Variants in RC3H1 observed in about 807,000 individuals in gnomAD.
RC3H1 encodes roquin-1.
In RC3H1, 50 loss-of-function variants were observed where a neutral mutation model predicts 138.2. The ratio of observed to expected loss-of-function variants is 0.36; its 90% CI spans 0.29 to 0.46. The LOEUF (loss-of-function observed/expected upper bound fraction) is 0.46, where lower values mean the gene tolerates loss of function less well. Among genes scored for constraint, RC3H1 ranks in the 20% least tolerant of loss-of-function variants. The pLI is 1.00. For missense variants in RC3H1, 1,031 were observed against 1,388.1 expected, an observed-to-expected ratio of 0.74 and a Z score of 4.09; for synonymous variants, 462 against 489.1, an observed-to-expected ratio of 0.94 and a Z score of 0.73.
At position 173,961,977 on chromosome 1, in the gene RC3H1, A is replaced by G; in HGVS notation, c.1950T>C (p.Val650=). 2 of 1,614,156 alleles carry G rather than the reference A, an allele frequency of 1.2e-6. No homozygotes were observed. The highest frequency in any genetic ancestry group is 1.7e-6 in the Non-Finnish European group (2 of 1,180,030). Residue 650 remains valine, a synonymous_variant, in exon 12 of 20, where the codon GTT becomes GTC. Transcript: ENST00000367696. ...DHYPPYLQER[V]VNSQYGTQPQ... ...GCTGTGTGCCATACTGAGAGTTTACAACACGTTCTTGGAGGTAGGGTGGAT... is the reference window on the plus strand; with the variant it reads ...GCTGTGTGCCATACTGAGAGTTTACGACACGTTCTTGGAGGTAGGGTGGAT...
chr1:174,013,711 G>T (rs1661810569), intron 1 of RC3H1, among the ~76,000 whole-genome samples: 1 of 151,908 alleles, frequency 6.6e-6, no homozygotes, highest in South Asian at 2.1e-4. Flanking sequence ...GGGATTACAG[G>T]CGTGAGCCAC....
rs964504342 is a variant in RC3H1, at chr1:173,938,146, A to G, written c.*575T>C. The G allele has an allele frequency of 1.3e-5, 2 of 152,212 alleles. No individual in the cohort carries two copies. Among genetic ancestry groups the G allele is most frequent in the Non-Finnish European group, 1.5e-5 (1 of 68,030 alleles). 9.4% of individuals were successfully genotyped at this position (152,212 alleles called of 1,614,324 possible). A position where few individuals can be genotyped will look rare whatever the true frequency, so the allele number is the denominator to read the frequency against. ...TCTAGAAAGGGATAAAGAATTCCAA[A>G]TAACAGCTCTGGGAAAAGTTGGTTT... On this transcript the variant is annotated 3_prime_UTR_variant, in exon 20 of 20. Transcript: ENST00000367696.
chr1:174,022,328 T>G lies in RC3H1; in HGVS notation c.-383A>C, dbSNP rs975177026. On this transcript the variant is annotated 5_prime_UTR_variant, in exon 1 of 20. Transcript: ENST00000367696. The surrounding 1 kb of genome is among the most constrained non-coding windows in gnomAD (Gnocchi z 4.2). ...TTGCTCGGCCTCCTCTTCCTCCTCC[T>G]CGTCCTCCGCCGCCCAGTCGCTCGT... 1 of 379,374 alleles carries G rather than the reference T, an allele frequency of 2.6e-6. No individual in the cohort carries two copies. The highest frequency in any genetic ancestry group is 4.7e-6 in the Non-Finnish European group (1 of 214,080). 23.5% of individuals were successfully genotyped at this position (379,374 alleles called of 1,614,324 possible).
chr1:173,942,658 C>G (rs568404527), intron 18 of RC3H1, among the ~76,000 whole-genome samples: 1 of 151,776 alleles, frequency 6.6e-6, no homozygotes, highest in East Asian at 1.9e-4. Context: ...CGGTGAAACC[C>G]CGTCTCTACT....
intron 2 of RC3H1, among the ~76,000 whole-genome samples, chr1:173,988,335 C>A (rs1661117976): frequency 6.6e-6 from 1 of 152,176 alleles, no homozygotes; most frequent in Non-Finnish European, 1.5e-5. Flanking sequence ...CAGTATGTGG[C>A]CTTTTCATAC....
intron 1 of RC3H1, among the ~76,000 whole-genome samples, chr1:173,997,276 C>A (rs1571237346): frequency 6.6e-6 from 1 of 151,974 alleles, no homozygotes; most frequent in East Asian, 1.9e-4. Flanking sequence ...GGGCAACTTA[C>A]AAAAGTATGT....
intron 1 of RC3H1, among the ~76,000 whole-genome samples, chr1:174,005,987 C>T (rs931745783): frequency 6.6e-5 from 10 of 152,130 alleles, no homozygotes; most frequent in Non-Finnish European, 1.2e-4. Context: ...AGGTGGATCA[C>T]CTGAGGTCAG....
chr1:174,008,145 T>A (rs1661686084), intron 1 of RC3H1, among the ~76,000 whole-genome samples: 1 of 152,240 alleles, frequency 6.6e-6, no homozygotes, highest in South Asian at 2.1e-4. Flanking sequence ...AACATGTAGA[T>A]GTATTCACAA....
At chr1:173,981,253 G>T (rs1281972066) in intron 5 of RC3H1, among the ~76,000 whole-genome samples, 1 of 152,134 alleles carries the variant, frequency 6.6e-6, no homozygotes, top group Non-Finnish European at 1.5e-5. Context: ...ATAAATACAG[G>T]CTGAGAATCT....
At chr1:173,964,419 G>A (rs561790055) in intron 10 of RC3H1, among the ~76,000 whole-genome samples, 145 of 152,206 alleles carry the variant, frequency 9.5e-4, no homozygotes, top group Middle Eastern at 6.8e-3. Flanking sequence ...CCAGGCTGGA[G>A]TGCAGTGGTG....
intron 1 of RC3H1, among the ~76,000 whole-genome samples, chr1:174,002,559 T>C (rs543108085): frequency 6.6e-6 from 1 of 152,322 alleles, no homozygotes; most frequent in East Asian, 1.9e-4. Flanking sequence ...TGTCTCCAAC[T>C]TGTCTCATCT....
rs934786206 is a variant in RC3H1, at chr1:174,022,105, C to A, written c.-160G>T. 52 of 398,540 alleles carry A rather than the reference C, an allele frequency of 1.3e-4. No homozygotes were observed. The highest frequency in any genetic ancestry group is 9.3e-4 in the African/African-American group (45 of 48,524). The allele number at this position is 398,540 out of a possible 1,614,324, so 24.7% of individuals were successfully genotyped here. Reference sequence around the variant, plus strand: ...CCCGCCGCTCGCTCACCGCGCTGGTCCGAGCAGCAGCTCCTCTCAGCTCCG... The same window carrying A: ...CCCGCCGCTCGCTCACCGCGCTGGTACGAGCAGCAGCTCCTCTCAGCTCCG... On this transcript the variant is annotated 5_prime_UTR_variant, in exon 1 of 20. Coordinates refer to ENST00000367696, the MANE Select transcript of RC3H1 (RefSeq NM_172071.4). This position sits in a 1 kb window ranked among gnomAD's most constrained non-coding sequence, Gnocchi z 4.2.
At chr1:173,979,347 T>C (rs993278029) in intron 6 of RC3H1, among the ~76,000 whole-genome samples, 14 of 152,306 alleles carry the variant, frequency 9.2e-5, no homozygotes, top group African/African-American at 3.1e-4. Flanking sequence ...AGAATCTTTA[T>C]AAAAGACAAG....
At chr1:174,001,409 G>T (rs529473177) in intron 1 of RC3H1, among the ~76,000 whole-genome samples, 3 of 152,282 alleles carry the variant, frequency 2.0e-5, no homozygotes, top group African/African-American at 4.8e-5. Flanking sequence ...TCAAAGAGGT[G>T]GCAGAATGAT....
intron 17 of RC3H1, among the ~76,000 whole-genome samples, chr1:173,944,137 C>T (rs545622596): frequency 6.7e-6 from 1 of 148,836 alleles, no homozygotes; most frequent in Non-Finnish European, 1.5e-5. Context: ...GCACTCCATG[C>T]ACTCCAGCCT....
rs1373815403 is a variant in RC3H1 at position 173,961,780 on chromosome 1, T to C, written c.2147A>G (p.Glu716Gly). The C allele has an allele frequency of 6.2e-7, 1 of 1,613,136 alleles. No individual in the cohort carries two copies. The highest frequency in any genetic ancestry group is 1.1e-5 in the South Asian group (1 of 91,038). ...PESRERYQQI[E>G]SYYPVAPHPT... ...ATGAGGAGCCACTGGATAGTAACTC[T>C]CGATCTGTTGGTATCTTTCTCTGGA... The change falls in exon 12 of 20, where the codon GAG becomes GGG. Residue 716 changes from glutamate to glycine, a missense_variant. Transcript: ENST00000367696.
chr1:173,998,685 G>A (rs1661507276), intron 1 of RC3H1, among the ~76,000 whole-genome samples: 1 of 152,014 alleles, frequency 6.6e-6, no homozygotes, highest in East Asian at 1.9e-4. Flanking sequence ...CTAAATTCTG[G>A]TTAAGAACCA....
At chr1:174,018,406 G>A (rs1211096761) in intron 1 of RC3H1, among the ~76,000 whole-genome samples, 1 of 152,138 alleles carries the variant, frequency 6.6e-6, no homozygotes, top group East Asian at 1.9e-4. Flanking sequence ...GACCAAAAAT[G>A]GACAGAAATA....
intron 1 of RC3H1, 142 bp from the exon 2 acceptor site, chr1:173,993,277 G>A: frequency 2.8e-6 from 1 of 358,830 alleles, no homozygotes. Context: ...CACTTTTACA[G>A]AATTAGAGCC....
Sources: allele counts gnomAD v4.1 joint callset (sites outside exome capture counted in the v4.1 genomes callset), GRCh38; gene constraint gnomAD v4.1.1; non-coding constraint Gnocchi (gnomAD v3.1); transcripts MANE v1.5; gene names NCBI Gene and HGNC (gene_info 2026-07-23, HGNC 2026-07-21).